The following DYDC2 variants were observed in gnomAD, a reference collection of about 807,000 sequenced individuals.
The protein encoded by DYDC2 is DPY30 domain containing 2.
DYDC2 carries 19 observed loss-of-function variants against 18.7 expected under a neutral mutation model. The observed-to-expected ratio is 1.02, with a 90% confidence interval of 0.71 to 1.49. The LOEUF is 1.49. Ranked by LOEUF, DYDC2 falls within the 40% of genes most tolerant of loss-of-function variation. DYDC2 has a pLI of 0.00. For missense variants in DYDC2, 179 were observed against 205.1 expected (o/e 0.87, Z 0.78); for synonymous variants, 63 against 67.6 (o/e 0.93, Z 0.34).
chr10:80,355,354 T>C (rs1484478385), upstream of DYDC2, among the ~76,000 whole-genome samples: 1 of 151,978 alleles, frequency 6.6e-6, no homozygotes, highest in Non-Finnish European at 1.5e-5. Context: ...TTTTATGCCA[T>C]AACTATGTGC....
At chr10:80,352,331 C>A, upstream of DYDC2, 9 of 1,300,812 alleles carry the variant, frequency 6.9e-6, no homozygotes, top group Non-Finnish European at 9.0e-6. Context: ...TCATGTTGTT[C>A]AAGTTTTTGT....
intron 1 of DYDC2, among the ~76,000 whole-genome samples, chr10:80,349,265 T>A (rs754126018): frequency 1.3e-5 from 2 of 152,232 alleles, no homozygotes; most frequent in African/African-American, 2.4e-5. Flanking sequence ...TGAAATGTTA[T>A]CTTTTAAAAA....
chr10:80,352,905 T>C (rs966996710), upstream of DYDC2, among the ~76,000 whole-genome samples: 16 of 152,192 alleles, frequency 1.1e-4, no homozygotes, highest in African/African-American at 3.9e-4. Flanking sequence ...TGCCAAGTAA[T>C]GTGGGTCTCA....
upstream of DYDC2, chr10:80,352,042 G>A (rs372401073): frequency 2.3e-5 from 37 of 1,592,020 alleles, no homozygotes; most frequent in East Asian, 2.7e-4. Flanking sequence ...ACTTCTTAGC[G>A]AGAAAGCAAT....
intron 2 of DYDC2, among the ~76,000 whole-genome samples, chr10:80,359,557 C>T (rs953355451): frequency 2.0e-5 from 3 of 152,182 alleles, no homozygotes; most frequent in African/African-American, 7.2e-5. Context: ...GGGTGGCGCT[C>T]ATCAGGGAGG....
In DYDC2 at chr10:80,364,204, A is replaced by G. The variant is rs561528092; in HGVS notation, c.270+1131A>G. Among the ~76,000 whole-genome samples, 4 of 152,354 alleles carry G rather than the reference A, an allele frequency of 2.6e-5. No homozygotes were observed. The South Asian group carries it at 8.3e-4, about 32-fold the overall frequency. ...ATTTACATTTATACTAATATACTCAATGTCCTCATAAAGAATAGATTTGCT... is the reference window on the plus strand; with the variant it reads ...ATTTACATTTATACTAATATACTCAGTGTCCTCATAAAGAATAGATTTGCT... On this transcript the variant is annotated intron_variant, in intron 4 of 4. Coordinates refer to ENST00000256039, the MANE Select transcript of DYDC2 (RefSeq NM_032372.6).
chr10:80,364,496 C>T (rs1462386407), intron 4 of DYDC2, among the ~76,000 whole-genome samples: 1 of 152,166 alleles, frequency 6.6e-6, no homozygotes, highest in Non-Finnish European at 1.5e-5. Flanking sequence ...CCCAAAACTT[C>T]ACCCTAGTTT....
chr10:80,359,864 C>T (rs933118743), intron 2 of DYDC2, among the ~76,000 whole-genome samples: 5 of 152,172 alleles, frequency 3.3e-5, no homozygotes, highest in Non-Finnish European at 5.9e-5. Context: ...TTCCCGCCCG[C>T]GCCTCTCCCT....
chr10:80,350,629 A>AG (rs1334962408), intron 1 of DYDC2, among the ~76,000 whole-genome samples: 1 of 152,212 alleles, frequency 6.6e-6, no homozygotes, highest in Non-Finnish European at 1.5e-5. Context: ...CAGGGATAGG[A>AG]GGTTAGTCAG....
At chr10:80,360,760 TTTC>T (rs1843640783) in intron 2 of DYDC2, among the ~76,000 whole-genome samples, 1 of 148,748 alleles carries the variant, frequency 6.7e-6, no homozygotes. Context: ...CTTTTCTTTC[TTTC>T]TTTTTTTTTT....
rs765596703 is a variant in DYDC2 at position 80,362,500 on chromosome 10, A to G, written c.57A>G (p.Ala19=). Residue 19 remains alanine, a synonymous_variant, in exon 3 of 5, where the codon GCA becomes GCG. Coordinates refer to ENST00000256039, the MANE Select transcript of DYDC2 (RefSeq NM_032372.6). ...GAAATTGCCTGGCCCAGGCACTGGC[A>G]GAGGTGGCGAAGGTTCGGCCCAGTG... The part of the protein sequence containing the change: ...CFGNCLAQAL[A]EVAKVRPSDP... 5 of 1,614,058 alleles carry G rather than the reference A, an allele frequency of 3.1e-6. No homozygotes were observed. The highest frequency in any genetic ancestry group is 4.2e-6 in the Non-Finnish European group (5 of 1,180,014).
chr10:80,365,149 C>A (rs760727015), intron 4 of DYDC2, among the ~76,000 whole-genome samples: 3 of 151,692 alleles, frequency 2.0e-5, no homozygotes, highest in African/African-American at 7.3e-5. Flanking sequence ...TTTCCTTGAT[C>A]GCTTTAAAAA....
upstream of DYDC2, among the ~76,000 whole-genome samples, chr10:80,353,567 A>G (rs545725284): frequency 1.1e-3 from 164 of 150,476 alleles, no homozygotes; most frequent in Non-Finnish European, 1.7e-3. Flanking sequence ...ATTTTAAGAA[A>G]TCGGCTGGGC....
upstream of DYDC2, chr10:80,354,216 G>C (rs1301784838): frequency 6.6e-6 from 1 of 151,568 alleles, no homozygotes; most frequent in East Asian, 1.9e-4. Context: ...GCCGGGCACA[G>C]TGGCTCACAC....
At chr10:80,352,007 C>A, upstream of DYDC2, 1 of 1,613,600 alleles carries the variant, frequency 6.2e-7, no homozygotes, top group South Asian at 1.1e-5. Context: ...TTGTCTCTAG[C>A]ATTGTTTAAA....
upstream of DYDC2, among the ~76,000 whole-genome samples, chr10:80,353,276 C>T (rs1303194215): frequency 6.6e-6 from 1 of 151,964 alleles, no homozygotes; most frequent in Non-Finnish European, 1.5e-5. Context: ...GACATCATCT[C>T]TCCTGGCCCC....
chr10:80,352,504 A>G (rs759659417), upstream of DYDC2: 3 of 1,613,426 alleles, frequency 1.9e-6, no homozygotes, highest in South Asian at 3.3e-5. Flanking sequence ...CCACAATGCT[A>G]AATATTCTAT....
At chr10:80,346,403 A>ACT (rs1437142351) in intron 1 of DYDC2, among the ~76,000 whole-genome samples, 1 of 138,980 alleles carries the variant, frequency 7.2e-6, no homozygotes, top group Non-Finnish European at 1.5e-5. Flanking sequence ...AGAAGAGTTC[A>ACT]CTTTTCTCCA....
At chr10:80,358,778 G>A (rs909710158) in intron 2 of DYDC2, among the ~76,000 whole-genome samples, 13 of 152,180 alleles carry the variant, frequency 8.5e-5, no homozygotes, top group Admixed American at 7.9e-4. Flanking sequence ...TGGGTTCTTG[G>A]TCTCACTGAG....
Sources: allele counts gnomAD v4.1 joint callset (sites outside exome capture counted in the v4.1 genomes callset), GRCh38; gene constraint gnomAD v4.1.1; transcripts MANE v1.5; gene names NCBI Gene and HGNC (gene_info 2026-07-23, HGNC 2026-07-21).